TRPV4: variants seen among roughly 807,000 people sequenced by gnomAD.
The protein encoded by TRPV4 is transient receptor potential cation channel subfamily V member 4.
Under a neutral mutation model 84.1 loss-of-function variants are expected in TRPV4, and 58 were observed. The observed-to-expected ratio is 0.69, with a 90% CI of 0.56 to 0.86. The LOEUF is 0.86. TRPV4 is among the 40% of genes least tolerant of loss of function. TRPV4 has a pLI of 0.00. For missense variants in TRPV4, 879 were observed against 1,181.1 expected (o/e 0.74, Z 3.75); for synonymous variants, 489 against 500.9 (o/e 0.98, Z 0.32).
intron 6 of TRPV4, among the ~76,000 whole-genome samples, chr12:109,797,273 T>A (rs1890462366): frequency 1.3e-5 from 2 of 151,966 alleles, no homozygotes; most frequent in Admixed American, 1.3e-4. Context: ...TGCCTCAGCC[T>A]CCTGAGTAGC....
rs1334789622 is a variant in TRPV4 at position 109,783,533 on chromosome 12, G to C, written c.*88C>G. On this transcript the variant is annotated 3_prime_UTR_variant, in exon 16 of 16. Transcript: ENST00000261740. This position sits in a 1 kb window ranked among gnomAD's most constrained non-coding sequence, Gnocchi z 4.6. ...TCCCTCGCCTCTGGGGCCAAAGCAG[G>C]GTGTGGGGGGACACCCCAGAAGGCA... 2 of 1,524,378 alleles carry C rather than the reference G, an allele frequency of 1.3e-6. No homozygotes were observed. Among genetic ancestry groups the C allele is most frequent in the Non-Finnish European group, 1.8e-6 (2 of 1,126,490 alleles). The allele number at this position is 1,524,378 out of a possible 1,614,324, so 94.4% of individuals were successfully genotyped here.
Position 109,793,077 on chromosome 12 carries a change from G to A in TRPV4, c.1659-260C>T, listed in dbSNP as rs1890145067. On this transcript the variant is annotated intron_variant, in intron 10 of 15. Coordinates refer to ENST00000261740, the MANE Select transcript of TRPV4 (RefSeq NM_021625.5). The surrounding 1 kb of genome is among the most constrained non-coding windows in gnomAD (Gnocchi z 4.0). Reference sequence around the variant, plus strand: ...TGGAATTGCTAAAGAAAGATTTAGTGGTGTTCAGTGGAGATTTTGTGGCTA... The same window carrying A: ...TGGAATTGCTAAAGAAAGATTTAGTAGTGTTCAGTGGAGATTTTGTGGCTA... Among the ~76,000 whole-genome samples, 1 of 152,170 alleles carries A rather than the reference G, an allele frequency of 6.6e-6. No individual in the cohort carries two copies. The highest frequency in any genetic ancestry group is 2.4e-5 in the African/African-American group (1 of 41,442).
intron 2 of TRPV4, among the ~76,000 whole-genome samples, chr12:109,811,785 T>C (rs1020558446): frequency 4.6e-5 from 7 of 151,450 alleles, no homozygotes; most frequent in Non-Finnish European, 1.0e-4. Flanking sequence ...AATGAATCTG[T>C]GGCCAGCAGG....
rs1282510822 is a variant in TRPV4 at position 109,796,666 on chromosome 12, C to G, written c.1191G>C (p.Glu397Asp). Residue 397 changes from glutamate to aspartate, a missense_variant, in exon 7 of 16, where the codon GAG (glutamate) becomes GAC (aspartate). Around this residue, in one of 4 missense-constraint regions of TRPV4, gnomAD observed 521 missense variants for 686.6 expected, o/e 0.76. Coordinates refer to ENST00000261740, the MANE Select transcript of TRPV4 (RefSeq NM_021625.5). The surrounding 1 kb of genome is among the most constrained non-coding windows in gnomAD (Gnocchi z 4.2). ...QHIIRREVTD[E>D]DTRHLSRKFK... is the part of the protein sequence containing the mutation. ...ACTTGCGGGACAGGTGCCGTGTGTC[C>G]TCATCCGTCACCTCCCGCCGGATGA... 1.9e-6 allele frequency: 3 copies of G among 1,613,880 alleles called. No individual in the cohort carries two copies. The South Asian group carries it at 3.3e-5, about 18-fold the overall frequency.
At chr12:109,821,773 C>T (rs926157582) in intron 1 of TRPV4, among the ~76,000 whole-genome samples, 1 of 152,102 alleles carries the variant, frequency 6.6e-6, no homozygotes, top group African/African-American at 2.4e-5. Context: ...CTCAGATGAT[C>T]CACCTGCCTC....
chr12:109,794,587 G>GCC, intron 7 of TRPV4, 100 bp from the exon 8 acceptor site: 1 of 1,281,448 alleles, frequency 7.8e-7, no homozygotes, highest in Non-Finnish European at 1.1e-6. Flanking sequence ...CACCCGGACA[G>GCC]CGCTTTCTCT....
rs779325064 is a variant in TRPV4, at chr12:109,793,558, G to A, written c.1627C>T (p.Leu543Phe). 2 of 1,614,068 alleles carry A rather than the reference G, an allele frequency of 1.2e-6. No homozygotes were observed. The highest frequency in any genetic ancestry group is 1.7e-6 in the Non-Finnish European group (2 of 1,179,996). The change falls in exon 10 of 16, where the codon CTC becomes TTC. Residue 543 changes from leucine to phenylalanine, a missense_variant. Leu to Phe is a conservative substitution (Grantham distance 22). Around this residue, in one of 4 missense-constraint regions of TRPV4, gnomAD observed 521 missense variants for 686.6 expected, o/e 0.76. Transcript: ENST00000261740. This position sits in a 1 kb window ranked among gnomAD's most constrained non-coding sequence, Gnocchi z 4.0. ...AGCTGGAAGGAGCCATCAATGAAGAGAGAATTCACTCCAGGGCATTTCTTC... is the reference window on the plus strand; with the variant it reads ...AGCTGGAAGGAGCCATCAATGAAGAAAGAATTCACTCCAGGGCATTTCTTC... ...FMKKCPGVNS[L>F]FIDGSFQLLY...
chr12:109,827,184 G>A (rs1592875271), intron 1 of TRPV4, among the ~76,000 whole-genome samples: 1 of 152,198 alleles, frequency 6.6e-6, no homozygotes, highest in African/African-American at 2.4e-5. Context: ...CACCTGCTAT[G>A]TGTGGGGTTT....
At position 109,783,558 on chromosome 12, in the gene TRPV4, A is replaced by G; in HGVS notation, c.*63T>C. On this transcript the variant is annotated 3_prime_UTR_variant, in exon 16 of 16. Coordinates refer to ENST00000261740, the MANE Select transcript of TRPV4 (RefSeq NM_021625.5). This position sits in a 1 kb window ranked among gnomAD's most constrained non-coding sequence, Gnocchi z 4.6. Reference sequence around the variant, plus strand: ...GGTGTGGGGGGACACCCCAGAAGGCACTGCTGAAATGCGGCTGGACTAGAA... The same window carrying G: ...GGTGTGGGGGGACACCCCAGAAGGCGCTGCTGAAATGCGGCTGGACTAGAA... 2 of 1,577,924 alleles carry G rather than the reference A, an allele frequency of 1.3e-6. No homozygotes were observed. Among genetic ancestry groups the G allele is most frequent in the Non-Finnish European group, 1.7e-6 (2 of 1,159,896 alleles).
intron 14 of TRPV4, among the ~76,000 whole-genome samples, chr12:109,784,953 C>T (rs1194320215): frequency 1.3e-5 from 2 of 151,564 alleles, no homozygotes; most frequent in African/African-American, 4.9e-5. Context: ...GCATTAAGCA[C>T]ATCCACATTG....
chr12:109,793,345 A>G lies in TRPV4; in HGVS notation c.1658+182T>C. 1.5e-6 allele frequency: 1 copy of G among 649,702 alleles called. No homozygotes were observed. The highest frequency in any genetic ancestry group is 1.7e-5 in the South Asian group (1 of 57,878). The allele number at this position is 649,702 out of a possible 1,614,324, so 40.2% of individuals were successfully genotyped here. A position where few individuals can be genotyped will look rare whatever the true frequency, so the allele number is the denominator to read the frequency against. On this transcript the variant is annotated intron_variant, in intron 10 of 15. Transcript: ENST00000261740. This position sits in a 1 kb window ranked among gnomAD's most constrained non-coding sequence, Gnocchi z 4.0. ...TGTATATGATAACTCCCTAGCAATC[A>G]GAATTTTTCTTGAACCAGAAGACCC...
rs776419711 is a variant in TRPV4 at position 109,798,602 on chromosome 12, C to T, written c.1152+12G>A. On this transcript the variant is annotated intron_variant, in intron 6 of 15. Transcript: ENST00000261740. The surrounding 1 kb of genome is among the most constrained non-coding windows in gnomAD (Gnocchi z 5.0). ...GTAGGTGGATCAGCTGTGCCCCCAG[C>T]CGCACACTCACCCCAATCTTGCCCG... 1.2e-6 allele frequency: 2 copies of T among 1,609,540 alleles called. No homozygotes were observed. Among genetic ancestry groups the T allele is most frequent in the East Asian group, 2.2e-5 (1 of 44,886 alleles).
At chr12:109,823,481 G>C (rs1176342376) in intron 1 of TRPV4, among the ~76,000 whole-genome samples, 1 of 152,204 alleles carries the variant, frequency 6.6e-6, no homozygotes. Context: ...CATTTCCAAG[G>C]GTCCCGGCCC....
At chr12:109,788,848 A>C (rs1889864587) in intron 12 of TRPV4, 132 bp from the exon 13 acceptor site, 1 of 1,012,622 alleles carries the variant, frequency 9.9e-7, no homozygotes, top group Non-Finnish European at 1.5e-6. Context: ...ACGCTGACCC[A>C]TGTCACCCTA....
chr12:109,814,292 G>T lies in TRPV4; in HGVS notation c.386+119C>A. ...GGATAGATGTATGGATGGTTGGATG[G>T]ACAGATGGATGGATGGATGAATCGA... is the stretch of plus-strand genomic sequence containing the variant. On this transcript the variant is annotated intron_variant, in intron 2 of 15. Transcript: ENST00000261740. This position sits in a 1 kb window ranked among gnomAD's most constrained non-coding sequence, Gnocchi z 5.4. 8.5e-7 allele frequency: 1 copy of T among 1,173,712 alleles called. No homozygotes were observed. Among genetic ancestry groups the T allele is most frequent in the South Asian group, 1.3e-5 (1 of 76,126 alleles). The allele number at this position is 1,173,712 out of a possible 1,614,324, so 72.7% of individuals were successfully genotyped here.
At chr12:109,797,230 C>T (rs1193654972) in intron 6 of TRPV4, among the ~76,000 whole-genome samples, 1 of 152,048 alleles carries the variant, frequency 6.6e-6, no homozygotes, top group Non-Finnish European at 1.5e-5. Context: ...CAGCACACTG[C>T]AACCCTCTCC....
At chr12:109,805,984 T>C (rs144972962) in intron 3 of TRPV4, among the ~76,000 whole-genome samples, 390 of 152,294 alleles carry the variant, frequency 2.6e-3, no homozygotes, top group African/African-American at 9.1e-3. Flanking sequence ...TCCGCACTTT[T>C]GCCTCACGTA....
Position 109,814,437 on chromosome 12 carries a change from G to T in TRPV4, c.360C>A (p.Asn120Lys). 1 of 1,614,156 alleles carries T rather than the reference G, an allele frequency of 6.2e-7. No homozygotes were observed. The highest frequency in any genetic ancestry group is 8.5e-7 in the Non-Finnish European group (1 of 1,180,018). ...CTATGATCTTCTTCCTCCACCTCTTGTTGTCACTGGAGTGGTGACGATAGG... is the reference window on the plus strand; with the variant it reads ...CTATGATCTTCTTCCTCCACCTCTTTTTGTCACTGGAGTGGTGACGATAGG... ...YGTYRHHSSD[N>K]KRWRKKIIEK... The change falls in exon 2 of 16, where the codon AAC becomes AAA. Residue 120 changes from asparagine (N) to lysine (K), a missense_variant. By Grantham distance (94) the Asn-to-Lys change is moderately conservative. Transcript: ENST00000261740. This position sits in a 1 kb window ranked among gnomAD's most constrained non-coding sequence, Gnocchi z 5.4.
In TRPV4 at chr12:109,803,010, G is replaced by A. The variant is rs776209281; in HGVS notation, c.693C>T (p.Phe231=). Reference sequence around the variant, plus strand: ...CCCCACCTCGATAGTAGATGTCACGGAAGGGCGAGTTAATGAACTCCCTCA... The same window carrying A: ...CCCCACCTCGATAGTAGATGTCACGAAAGGGCGAGTTAATGAACTCCCTCA... ...GNMREFINSP[F]RDIYYRGQTA... Residue 231 remains phenylalanine (F), a synonymous_variant, in exon 4 of 16, where the codon TTC becomes TTT. Transcript: ENST00000261740. 3.1e-6 allele frequency: 5 copies of A among 1,613,972 alleles called. No individual in the cohort carries two copies. The highest frequency in any genetic ancestry group is 1.6e-4 in the Middle Eastern group (1 of 6,080).
Sources: allele counts gnomAD v4.1 joint callset (sites outside exome capture counted in the v4.1 genomes callset), GRCh38; gene constraint gnomAD v4.1.1; regional missense constraint gnomAD v4.1.1; non-coding constraint Gnocchi (gnomAD v3.1); transcripts MANE v1.5; gene names NCBI Gene and HGNC (gene_info 2026-07-23, HGNC 2026-07-21).